PTPRD: variants seen among roughly 807,000 people sequenced by gnomAD.
PTPRD encodes protein tyrosine phosphatase receptor type D.
Under a neutral mutation model 214.5 loss-of-function variants are expected in PTPRD, and 34 were observed. The observed-to-expected ratio is 0.16, with a 90% CI of 0.12 to 0.21. The LOEUF (loss-of-function observed/expected upper bound fraction) is 0.21. Among genes scored for constraint, PTPRD ranks in the 10% least tolerant of loss-of-function variants. The pLI is 1.00. For synonymous variants in PTPRD, 1,128 were observed against 845.7 expected (o/e 1.33, Z -5.79); for missense variants, 2,545 against 2,398.7 (o/e 1.06, Z -1.27).
intron 8 of PTPRD, among the ~76,000 whole-genome samples, chr9:9,471,886 A>G (rs2094612429): frequency 6.6e-6 from 1 of 152,186 alleles, no homozygotes; most frequent in African/African-American, 2.4e-5. Flanking sequence ...TGAAGGGATA[A>G]GTATATCTTG....
chr9:8,523,185 G>A (rs1266713064), intron 19 of PTPRD, among the ~76,000 whole-genome samples: 1 of 152,150 alleles, frequency 6.6e-6, no homozygotes, highest in Non-Finnish European at 1.5e-5. Context: ...TGGGCAGCAG[G>A]CATCCTTATA....
intron 9 of PTPRD, among the ~76,000 whole-genome samples, chr9:9,272,388 T>G (rs1943292302): frequency 6.6e-6 from 1 of 151,242 alleles, no homozygotes; most frequent in Non-Finnish European, 1.5e-5. Context: ...ATTTCCAAAA[T>G]TTTGAAACTA....
intron 7 of PTPRD, among the ~76,000 whole-genome samples, chr9:9,634,549 G>A (rs2095694106): frequency 6.6e-6 from 1 of 152,064 alleles, no homozygotes; most frequent in South Asian, 2.1e-4. Flanking sequence ...TACCATAAGA[G>A]GAAGGAAATA....
chr9:10,207,682 C>A (rs1050004806), intron 3 of PTPRD, among the ~76,000 whole-genome samples: 1 of 151,542 alleles, frequency 6.6e-6, no homozygotes, highest in African/African-American at 2.4e-5. Context: ...GAGCAAGAAA[C>A]TTGTCATTTA....
chr9:9,766,653 A>C (rs974496034), intron 6 of PTPRD, among the ~76,000 whole-genome samples, 157 bp downstream of exon 6: 1 of 152,078 alleles, frequency 6.6e-6, no homozygotes, highest in African/African-American at 2.4e-5. Flanking sequence ...CCAGAATTCT[A>C]ATTCTGATGT....
chr9:9,575,781 A>C (rs149927078), intron 7 of PTPRD, among the ~76,000 whole-genome samples: 1 of 84,296 alleles, frequency 1.2e-5, no homozygotes, highest in Non-Finnish European at 3.1e-5. Flanking sequence ...AAAAGAAAGA[A>C]AAAGAAAAAA....
intron 3 of PTPRD, among the ~76,000 whole-genome samples, chr9:10,150,606 T>A (rs2099054402): frequency 6.6e-6 from 1 of 151,014 alleles, no homozygotes; most frequent in South Asian, 2.1e-4. Context: ...CATGTATACA[T>A]ATGTAACAAA....
intron 2 of PTPRD, among the ~76,000 whole-genome samples, chr9:10,514,473 C>G (rs1217992091): frequency 2.0e-5 from 3 of 151,208 alleles, no homozygotes; most frequent in Non-Finnish European, 3.0e-5. Flanking sequence ...ATAAAATAAA[C>G]TTTTTTATAA....
chr9:8,665,055 C>T (rs2097143452), intron 12 of PTPRD, among the ~76,000 whole-genome samples: 3 of 152,026 alleles, frequency 2.0e-5, no homozygotes, highest in African/African-American at 7.2e-5. Flanking sequence ...TGTCAAACTA[C>T]AGCAATAAAA....
chr9:10,429,189 T>A (rs1285321660), intron 2 of PTPRD, among the ~76,000 whole-genome samples: 3 of 151,904 alleles, frequency 2.0e-5, no homozygotes, highest in Admixed American at 1.3e-4. Context: ...ATTATAGATA[T>A]TGTTAAGTAC....
chr9:9,789,064 G>A (rs2098947926), intron 5 of PTPRD, among the ~76,000 whole-genome samples: 2 of 152,116 alleles, frequency 1.3e-5, no homozygotes, highest in Non-Finnish European at 2.9e-5. Flanking sequence ...ATATTTTCTG[G>A]CTGGCTACAT....
chr9:10,259,314 GC>G (rs1194169081), intron 3 of PTPRD, among the ~76,000 whole-genome samples: 1 of 151,990 alleles, frequency 6.6e-6, no homozygotes, highest in Non-Finnish European at 1.5e-5. Context: ...GTGAGCCACC[GC>G]GCCCGGCCGG....
chr9:9,447,178 G>A (rs1758768169), intron 8 of PTPRD, among the ~76,000 whole-genome samples: 1 of 152,014 alleles, frequency 6.6e-6, no homozygotes, highest in Admixed American at 6.6e-5. Context: ...TATACCCAAA[G>A]GAATATTAAT....
At chr9:8,807,907 G>C (rs1000690958) in intron 11 of PTPRD, among the ~76,000 whole-genome samples, 5 of 152,112 alleles carry the variant, frequency 3.3e-5, no homozygotes, top group African/African-American at 1.2e-4. Flanking sequence ...AAGAGAATCT[G>C]TATTCCACTG....
intron 9 of PTPRD, among the ~76,000 whole-genome samples, chr9:9,257,480 C>T (rs977319372): frequency 1.3e-5 from 2 of 151,678 alleles, no homozygotes; most frequent in Non-Finnish European, 2.9e-5. Flanking sequence ...AAACAAAAGT[C>T]CGAATTTTTA....
intron 3 of PTPRD, among the ~76,000 whole-genome samples, chr9:10,191,356 C>T (rs1257245291): frequency 3.3e-5 from 5 of 151,822 alleles, no homozygotes; most frequent in African/African-American, 1.2e-4. Flanking sequence ...AAATGACAGA[C>T]ATTGCTTTAA....
At chr9:9,586,405 C>T (rs531665947) in intron 7 of PTPRD, among the ~76,000 whole-genome samples, 29 of 151,896 alleles carry the variant, frequency 1.9e-4, no homozygotes, top group South Asian at 8.3e-4. Flanking sequence ...GTCATAAGTA[C>T]GCAGTAAGAT....
intron 2 of PTPRD, among the ~76,000 whole-genome samples, chr9:10,426,344 G>C (rs1456916650): frequency 6.6e-6 from 1 of 151,514 alleles, no homozygotes; most frequent in African/African-American, 2.4e-5. Flanking sequence ...CCTCATTCTT[G>C]CTTTTTCTAT....
chr9:8,357,871 G>C (rs542623390), intron 39 of PTPRD, among the ~76,000 whole-genome samples: 15 of 152,282 alleles, frequency 9.9e-5, no homozygotes, highest in African/African-American at 3.6e-4. Context: ...CAAAATGAAT[G>C]TAAGTATCCT....
Sources: gnomAD v4.1 joint callset for allele counts (sites outside exome capture counted in the v4.1 genomes callset) on GRCh38, gnomAD v4.1.1 for gene constraint, MANE v1.5 for transcripts, NCBI Gene and HGNC (gene_info 2026-07-23, HGNC 2026-07-21) for gene names.